Variants in TENM2 observed in about 807,000 individuals in gnomAD.
TENM2 encodes teneurin transmembrane protein 2.
TENM2 carries 52 observed loss-of-function variants against 245.2 expected under a neutral mutation model. That is an observed-to-expected ratio of 0.21 (90% confidence interval 0.17 to 0.27). TENM2 has a LOEUF of 0.27. Ranked by LOEUF, TENM2 falls within the 10% of genes least tolerant of loss-of-function variation. The pLI is 1.00. For missense variants in TENM2, 3,046 were observed against 3,666.8 expected, an observed-to-expected ratio of 0.83 and a Z score of 4.37; for synonymous variants, 1,363 against 1,438.9, an observed-to-expected ratio of 0.95 and a Z score of 1.19.
chr5:167,654,621 G>A (rs572958349), intron 2 of TENM2, among the ~76,000 whole-genome samples: 2 of 149,106 alleles, frequency 1.3e-5, no homozygotes, highest in East Asian at 3.9e-4. Context: ...ACTTCATTTT[G>A]GAGTCATCTA....
At chr5:167,707,073 G>A (rs1315475788) in intron 2 of TENM2, among the ~76,000 whole-genome samples, 2 of 145,052 alleles carry the variant, frequency 1.4e-5, no homozygotes, top group Middle Eastern at 3.3e-3. Flanking sequence ...CTCAAAACTT[G>A]TTTTCTTCTG....
At chr5:168,041,626 C>A (rs772495912) in intron 5 of TENM2, among the ~76,000 whole-genome samples, 5 of 152,210 alleles carry the variant, frequency 3.3e-5, no homozygotes, top group Non-Finnish European at 2.9e-5. Flanking sequence ...TGCCTCTGAA[C>A]CCTAAACCTG....
chr5:167,786,455 G>A (rs976879593), intron 2 of TENM2, among the ~76,000 whole-genome samples: 13 of 152,152 alleles, frequency 8.5e-5, no homozygotes, highest in African/African-American at 2.2e-4. Context: ...ACTTACATAT[G>A]TACCTGTTTA....
intron 4 of TENM2, among the ~76,000 whole-genome samples, chr5:167,972,845 T>A (rs17069484): frequency 1.3e-5 from 2 of 152,058 alleles, no homozygotes; most frequent in African/African-American, 2.4e-5. Flanking sequence ...CCAATACCTC[T>A]TCTTAATGCC....
the TENM2 span, among the ~76,000 whole-genome samples, chr5:166,979,996 A>G: frequency 2.0e-5 from 3 of 152,192 alleles, no homozygotes; most frequent in Non-Finnish European, 4.4e-5. Flanking sequence ...GAACTACTGT[A>G]TGGTACATGC....
At position 168,247,411 on chromosome 5, in the gene TENM2, G is replaced by A. The variant is rs1290969818; in HGVS notation, c.6472G>A (p.Gly2158Arg). ...CCTCAGCAAACACTTCGACACCCAT[G>A]GGCGGATCAAGGAGGTCCAGTATGA... Residue 2158 changes from glycine to arginine, a missense_variant, in exon 27 of 29, where the codon GGG (glycine) becomes AGG (arginine). By Grantham distance (125) the Gly-to-Arg change is moderately radical. This residue lies in a region of TENM2 where 2,704 missense variants were observed against 3,331.9 expected (regional missense o/e 0.81). Transcript: ENST00000518659. This position sits in a 1 kb window ranked among gnomAD's most constrained non-coding sequence, Gnocchi z 7.8. 5 of 1,613,948 alleles carry A rather than the reference G, an allele frequency of 3.1e-6. No homozygotes were observed. The South Asian group carries it at 5.5e-5, about 18-fold the overall frequency.
intron 2 of TENM2, among the ~76,000 whole-genome samples, chr5:167,583,648 G>A (rs972880116): frequency 1.3e-5 from 2 of 152,110 alleles, no homozygotes; most frequent in African/African-American, 4.8e-5. Flanking sequence ...AAAATTAATG[G>A]AGCACTTACA....
intron 9 of TENM2, among the ~76,000 whole-genome samples, chr5:168,102,273 A>G (rs1286319361): frequency 6.6e-6 from 1 of 152,102 alleles, no homozygotes; most frequent in Non-Finnish European, 1.5e-5. Flanking sequence ...GGGTTTCTCC[A>G]TGTTGGTCAG....
At chr5:167,425,414 T>G (rs1763752677) in intron 2 of TENM2, among the ~76,000 whole-genome samples, 1 of 152,144 alleles carries the variant, frequency 6.6e-6, no homozygotes, top group South Asian at 2.1e-4. Context: ...GCCTTGGAGA[T>G]TAAATGAGTT....
At chr5:166,991,533 T>A in the TENM2 span, among the ~76,000 whole-genome samples, 2 of 152,188 alleles carry the variant, frequency 1.3e-5, no homozygotes, top group African/African-American at 4.8e-5. Context: ...GTATTATTTT[T>A]AAAAATGTTT....
chr5:167,964,657 C>T (rs987920688), intron 4 of TENM2, among the ~76,000 whole-genome samples: 4 of 152,076 alleles, frequency 2.6e-5, no homozygotes, highest in African/African-American at 7.2e-5. Context: ...AGAAGCCAGA[C>T]CCATAAGAAA....
chr5:167,036,312 T>C, the TENM2 span, among the ~76,000 whole-genome samples: 1 of 152,212 alleles, frequency 6.6e-6, no homozygotes, highest in Non-Finnish European at 1.5e-5. Context: ...ATAAATAAAT[T>C]TGGAAAGAGA....
In TENM2 at chr5:167,586,361, A is replaced by G. The variant is rs75676990; in HGVS notation, c.502+210888A>G. ...TATGGGGGTCCTGGAACCAAGCCCC[A>G]CAGATACGGAGGGACTACTGTAGTA... On this transcript the variant is annotated intron_variant, in intron 2 of 28. Transcript: ENST00000518659. Among the ~76,000 whole-genome samples, 24 of 152,336 alleles carry G rather than the reference A, an allele frequency of 1.6e-4. No homozygotes were observed. In the East Asian group the frequency reaches 4.2e-3, roughly 27 times the overall value.
At chr5:167,535,026 T>C (rs952141246) in intron 2 of TENM2, among the ~76,000 whole-genome samples, 1 of 152,148 alleles carries the variant, frequency 6.6e-6, no homozygotes, top group Non-Finnish European at 1.5e-5. Flanking sequence ...ATAAAAATAG[T>C]TGTCTATTTT....
intron 27 of TENM2, among the ~76,000 whole-genome samples, chr5:168,254,539 T>G (rs1562342739): frequency 1.4e-5 from 2 of 147,996 alleles, no homozygotes; most frequent in East Asian, 2.0e-4. Context: ...AGAGGAAGAA[T>G]AGAAAGAAAA....
At chr5:167,064,017 G>C in the TENM2 span, among the ~76,000 whole-genome samples, 766 of 152,304 alleles carry the variant, frequency 5.0e-3, 6 homozygotes, top group African/African-American at 0.017. Context: ...TTGGGAGTCT[G>C]CGTGATGACT....
chr5:167,227,046 C>T, the TENM2 span, among the ~76,000 whole-genome samples: 701 of 128,730 alleles, frequency 5.4e-3, 6 homozygotes, highest in African/African-American at 0.02. Context: ...TTTCTATTTG[C>T]ATTGAATATC....
chr5:168,133,242 A>G (rs1754747462), intron 12 of TENM2, among the ~76,000 whole-genome samples: 3 of 152,222 alleles, frequency 2.0e-5, no homozygotes, highest in Admixed American at 2.0e-4. Flanking sequence ...TAACTAGCAC[A>G]TCAAACTGAT....
At chr5:167,248,314 A>G in the TENM2 span, among the ~76,000 whole-genome samples, 2 of 152,118 alleles carry the variant, frequency 1.3e-5, no homozygotes, top group Non-Finnish European at 1.5e-5. Flanking sequence ...GAACGTGTTG[A>G]GCGTCCAAAA....
Sources: gnomAD v4.1 joint callset for allele counts (sites outside exome capture counted in the v4.1 genomes callset) on GRCh38, gnomAD v4.1.1 for gene constraint, gnomAD v4.1.1 regional missense constraint, Gnocchi (gnomAD v3.1) non-coding constraint, MANE v1.5 for transcripts, NCBI Gene and HGNC (gene_info 2026-07-23, HGNC 2026-07-21) for gene names.